The following TCF4 variants were observed in gnomAD, a reference collection of about 807,000 sequenced individuals.
TCF4 encodes the protein SL3-3 enhancer factor 2.
In TCF4, 3 loss-of-function variants were observed where a neutral mutation model predicts 82.1. The observed-to-expected ratio is 0.04, with a 90% CI of 0.02 to 0.09. The LOEUF is 0.09. TCF4 is among the 10% of genes least tolerant of loss of function. The probability of loss-of-function intolerance (pLI) is 1.00; values close to 1 mark genes in which losing one functional copy is unlikely to be tolerated. For missense variants in TCF4, 518 were observed against 852.7 expected (o/e 0.61, Z 4.89); for synonymous variants, 276 against 309.6 (o/e 0.89, Z 1.14).
intron 11 of TCF4, among the ~76,000 whole-genome samples, chr18:55,261,760 T>G: frequency 6.6e-6 from 1 of 152,224 alleles, no homozygotes; most frequent in East Asian, 1.9e-4. Context: ...ATAAAGTGGT[T>G]TCCTTGCTAT....
intron 15 of TCF4, among the ~76,000 whole-genome samples, chr18:55,236,804 C>CA (rs1299928940): frequency 6.6e-6 from 1 of 152,092 alleles, no homozygotes; most frequent in Non-Finnish European, 1.5e-5. Context: ...CGTGCTGATT[C>CA]ATATTTATTT....
intron 2 of TCF4, among the ~76,000 whole-genome samples, chr18:55,595,732 T>C (rs1219544367): frequency 6.6e-6 from 1 of 152,230 alleles, no homozygotes; most frequent in Non-Finnish European, 1.5e-5. Context: ...ACTAGCCTTC[T>C]AGAAGTTTCC....
chr18:55,562,376 TAA>T (rs1194642496), intron 3 of TCF4, among the ~76,000 whole-genome samples: 1 of 152,210 alleles, frequency 6.6e-6, no homozygotes, highest in Admixed American at 6.5e-5. Context: ...ATTCATAACA[TAA>T]GAGACTGAAT....
chr18:55,380,788 A>C (rs928635477), intron 6 of TCF4, among the ~76,000 whole-genome samples: 1 of 152,188 alleles, frequency 6.6e-6, no homozygotes, highest in Admixed American at 6.5e-5. Flanking sequence ...CGCAATGCCT[A>C]AATATTTAAA....
chr18:55,584,651 G>A (rs938880676), intron 3 of TCF4, among the ~76,000 whole-genome samples: 3 of 151,788 alleles, frequency 2.0e-5, no homozygotes, highest in Admixed American at 6.6e-5. Flanking sequence ...TTTATAAAAC[G>A]TAAAAGTCCT....
At chr18:55,250,736 T>C (rs1429219878) in intron 15 of TCF4, among the ~76,000 whole-genome samples, 1 of 152,204 alleles carries the variant, frequency 6.6e-6, no homozygotes, top group Non-Finnish European at 1.5e-5. Flanking sequence ...TTTCTATGGA[T>C]GATCTATTTA....
In TCF4 at chr18:55,391,637, AAAG is replaced by A. The variant is rs546530501; in HGVS notation, c.369+11814_369+11816del. The stretch of plus-strand genomic sequence containing the variant: ...GACTTGAATCAACATTCCTATCAAA[AAAG>A]AAGAACATTCTGCCAGGCGCGGTGG... On this transcript the variant is annotated intron_variant, in intron 6 of 19. Transcript: ENST00000354452. Among the ~76,000 whole-genome samples, 37 of 152,038 alleles carry A rather than the reference AAAG, an allele frequency of 2.4e-4. No individual in the cohort carries two copies. In the East Asian group the frequency reaches 5.8e-3, roughly 24 times the overall value.
At chr18:55,516,384 G>GT (rs573699607) in intron 3 of TCF4, among the ~76,000 whole-genome samples, 19 of 151,018 alleles carry the variant, frequency 1.3e-4, no homozygotes, top group African/African-American at 1.9e-4. Flanking sequence ...GGTTTTTTGG[G>GT]TTTTTTTTTA....
chr18:55,449,574 A>G (rs1173843015), intron 5 of TCF4, among the ~76,000 whole-genome samples: 2 of 152,248 alleles, frequency 1.3e-5, no homozygotes, highest in Non-Finnish European at 2.9e-5. Flanking sequence ...TGAAGCATTC[A>G]GATTTGGCTA....
chr18:55,557,355 T>C (rs921141976), intron 3 of TCF4, among the ~76,000 whole-genome samples: 4 of 152,092 alleles, frequency 2.6e-5, no homozygotes, highest in African/African-American at 9.7e-5. Context: ...AGAGGATCAC[T>C]GGAGCCCTGG....
intron 8 of TCF4, chr18:55,322,368 T>C (rs2075793995): frequency 3.0e-6 from 3 of 1,009,712 alleles, no homozygotes; most frequent in African/African-American, 3.6e-5. Context: ...GCTCCCAGCA[T>C]TGTACGCAGC....
At chr18:55,244,546 C>A (rs1271353729) in intron 15 of TCF4, among the ~76,000 whole-genome samples, 2 of 152,178 alleles carry the variant, frequency 1.3e-5, no homozygotes, top group East Asian at 3.8e-4. Flanking sequence ...ATACTTATAG[C>A]CGTGTCCTAA....
intron 8 of TCF4, among the ~76,000 whole-genome samples, chr18:55,307,032 G>A (rs1299317627): frequency 6.6e-6 from 1 of 152,096 alleles, no homozygotes; most frequent in Non-Finnish European, 1.5e-5. Context: ...CAAAGTCCAT[G>A]TGTTAAAATA....
upstream of TCF4, among the ~76,000 whole-genome samples, chr18:55,591,698 G>T (rs1181524117): frequency 6.6e-6 from 1 of 152,132 alleles, no homozygotes; most frequent in Non-Finnish European, 1.5e-5. Context: ...TGTATTTTTA[G>T]TAGAGATGGG....
chr18:55,384,318 G>A (rs2092373228), intron 6 of TCF4: 1 of 152,252 alleles, frequency 6.6e-6, no homozygotes, highest in Non-Finnish European at 1.5e-5. Flanking sequence ...CAGTGGAGGT[G>A]ACAAGTGCTT....
At chr18:55,246,902 C>G (rs8092938) in intron 15 of TCF4, among the ~76,000 whole-genome samples, 4,693 of 152,220 alleles carry the variant, frequency 0.031, 259 homozygotes, top group African/African-American at 0.11. Flanking sequence ...ATGATGTTGA[C>G]CACCAATAGC....
chr18:55,587,284 G>GAC (rs1555784508), intron 1 of TCF4, 148 bp from the exon 2 acceptor site: 14 of 389,344 alleles, frequency 3.6e-5, no homozygotes, highest in Non-Finnish European at 3.4e-5. Flanking sequence ...TGGGAGACTT[G>GAC]TTGTTGGGTT....
At chr18:55,495,417 T>C (rs1185668132) in intron 3 of TCF4, among the ~76,000 whole-genome samples, 3 of 152,090 alleles carry the variant, frequency 2.0e-5, no homozygotes, top group African/African-American at 4.8e-5. Flanking sequence ...GTCCTAAACA[T>C]ACATAGATGT....
intron 10 of TCF4, among the ~76,000 whole-genome samples, chr18:55,272,920 G>A (rs1289649465): frequency 6.6e-6 from 1 of 152,062 alleles, no homozygotes; most frequent in African/African-American, 2.4e-5. Context: ...TCCTTTAAAG[G>A]AAAATTCCAG....
Sources: allele counts gnomAD v4.1 joint callset (sites outside exome capture counted in the v4.1 genomes callset), GRCh38; gene constraint gnomAD v4.1.1; transcripts MANE v1.5; gene names NCBI Gene and HGNC (gene_info 2026-07-23, HGNC 2026-07-21).